Variants in ROBO1 observed in about 807,000 individuals in gnomAD.
ROBO1 encodes the protein roundabout homolog 1.
A neutral mutation model predicts 195.9 loss-of-function variants in ROBO1; 149 were observed. The ratio of observed to expected loss-of-function variants is 0.76; its 90% CI spans 0.67 to 0.87. The LOEUF (loss-of-function observed/expected upper bound fraction) is 0.87, where lower values mean the gene tolerates loss of function less well. Among genes scored for constraint, ROBO1 ranks in the 40% least tolerant of loss-of-function variants. ROBO1 has a pLI of 0.00. For missense variants in ROBO1, 1,933 were observed against 2,068.3 expected (o/e 0.93, Z 1.27); for synonymous variants, 816 against 733.2 (o/e 1.11, Z -1.82).
Position 79,283,802 on chromosome 3 carries a change from A to T in ROBO1, c.89-158263T>A, listed in dbSNP as rs1293501225. ...AAGCTCCGCCTCCCGGGTTCACGCC[A>T]TTCTCCTGCCTCAGCCTCCCGAGTA... On this transcript the variant is annotated intron_variant, in intron 2 of 30. Transcript: ENST00000464233. Among the ~76,000 whole-genome samples, 16 of 149,082 alleles carry T rather than the reference A, an allele frequency of 1.1e-4. No individual in the cohort carries two copies. The South Asian group carries it at 2.5e-3, about 24-fold the overall frequency.
At chr3:79,112,595 A>C (rs1436671743) in intron 3 of ROBO1, among the ~76,000 whole-genome samples, 1 of 152,200 alleles carries the variant, frequency 6.6e-6, no homozygotes, top group Non-Finnish European at 1.5e-5. Flanking sequence ...AAATGAGTTC[A>C]TGTCCTTTGT....
chr3:79,385,943 A>G (rs180890774), intron 2 of ROBO1, among the ~76,000 whole-genome samples: 1 of 152,282 alleles, frequency 6.6e-6, no homozygotes, highest in African/African-American at 2.4e-5. Flanking sequence ...TTTTCTCTTG[A>G]AAAACATTGA....
At chr3:78,696,513 T>G (rs1032966090) in intron 8 of ROBO1, among the ~76,000 whole-genome samples, 1 of 152,046 alleles carries the variant, frequency 6.6e-6, no homozygotes, top group Non-Finnish European at 1.5e-5. Context: ...ATTTTCCTGC[T>G]GGCTAATCAA....
At chr3:79,262,556 TAAAG>T (rs776970685) in intron 2 of ROBO1, among the ~76,000 whole-genome samples, 5 of 151,558 alleles carry the variant, frequency 3.3e-5, no homozygotes, top group Non-Finnish European at 5.9e-5. Flanking sequence ...AGGCAAGAAA[TAAAG>T]GAAGTATAAA....
chr3:78,666,285 A>G (rs1707731065), intron 14 of ROBO1, among the ~76,000 whole-genome samples: 1 of 152,214 alleles, frequency 6.6e-6, no homozygotes, highest in Non-Finnish European at 1.5e-5. Flanking sequence ...AGACTAATAC[A>G]TTGTTCCACT....
At chr3:79,672,198 A>G (rs1448745608) in intron 1 of ROBO1, among the ~76,000 whole-genome samples, 1 of 151,958 alleles carries the variant, frequency 6.6e-6, no homozygotes, top group African/African-American at 2.4e-5. Flanking sequence ...GCATGCAGAG[A>G]CAGTAGGCCA....
At chr3:79,459,539 A>C (rs1005248678) in intron 2 of ROBO1, among the ~76,000 whole-genome samples, 1 of 151,610 alleles carries the variant, frequency 6.6e-6, no homozygotes, top group Non-Finnish European at 1.5e-5. Context: ...TTTTTTCCCC[A>C]ATGACTTATT....
intron 5 of ROBO1, among the ~76,000 whole-genome samples, chr3:78,725,532 T>C (rs892708362): frequency 6.6e-6 from 1 of 152,122 alleles, no homozygotes; most frequent in African/African-American, 2.4e-5. Flanking sequence ...CCTGCCTTCA[T>C]CTCCTTTACT....
At chr3:78,647,197 G>A (rs148447759) in intron 20 of ROBO1, among the ~76,000 whole-genome samples, 164 of 152,142 alleles carry the variant, frequency 1.1e-3, no homozygotes, top group African/African-American at 3.6e-3. Flanking sequence ...TTTCACATGT[G>A]CTGGATATTG....
intron 3 of ROBO1, among the ~76,000 whole-genome samples, chr3:79,055,405 G>T (rs1056057755): frequency 6.6e-6 from 1 of 152,044 alleles, no homozygotes; most frequent in Non-Finnish European, 1.5e-5. Context: ...AAGTTTGAGG[G>T]CTGATGTTTC....
At chr3:79,615,325 C>T (rs545306315) in intron 1 of ROBO1, among the ~76,000 whole-genome samples, 22 of 152,274 alleles carry the variant, frequency 1.4e-4, no homozygotes, top group Admixed American at 9.8e-4. Flanking sequence ...CTACCTATGA[C>T]CTAGAAGCCT....
intron 1 of ROBO1, among the ~76,000 whole-genome samples, chr3:79,740,665 G>GC (rs1307466721): frequency 6.6e-6 from 1 of 152,024 alleles, no homozygotes; most frequent in Non-Finnish European, 1.5e-5. Flanking sequence ...GGCAGAAACC[G>GC]CCCCCATGAT....
intron 4 of ROBO1, among the ~76,000 whole-genome samples, chr3:78,894,974 T>G (rs891604455): frequency 6.6e-6 from 1 of 152,236 alleles, no homozygotes; most frequent in Non-Finnish European, 1.5e-5. Context: ...CTGGCCATTG[T>G]TCCATTCTTG....
At chr3:79,132,839 GT>G (rs1445703554) in intron 2 of ROBO1, among the ~76,000 whole-genome samples, 1 of 30,376 alleles carries the variant, frequency 3.3e-5, no homozygotes, top group Non-Finnish European at 5.4e-5. Context: ...TCCTTTCCAT[GT>G]TTAGTGCTTC....
chr3:79,597,465 C>T (rs1461646107), intron 1 of ROBO1, among the ~76,000 whole-genome samples: 2 of 151,940 alleles, frequency 1.3e-5, no homozygotes, highest in African/African-American at 2.4e-5. Context: ...ACATAAAGCA[C>T]AGTTTTAAAT....
chr3:78,859,755 T>A (rs1484194081), intron 4 of ROBO1, among the ~76,000 whole-genome samples: 1 of 151,882 alleles, frequency 6.6e-6, no homozygotes, highest in African/African-American at 2.4e-5. Context: ...AGAAGGGGCA[T>A]TGGGAAATAA....
In ROBO1 at chr3:79,301,604, C is replaced by A. The variant is rs552882820; in HGVS notation, c.89-176065G>T. 2.6e-5 allele frequency among the ~76,000 whole-genome samples: 4 copies of A among 152,252 alleles called. No homozygotes were observed. In the East Asian group the frequency reaches 7.7e-4, roughly 29 times the overall value. On this transcript the variant is annotated intron_variant, in intron 2 of 30. Coordinates refer to ENST00000464233, the MANE Select transcript of ROBO1 (RefSeq NM_002941.4). ...CTATGTTTCATTAGCTCACTTAAAA[C>A]AATTTTATGCATTCCAATAGATGGA...
At chr3:78,980,613 C>A (rs145932071) in intron 3 of ROBO1, among the ~76,000 whole-genome samples, 1 of 152,036 alleles carries the variant, frequency 6.6e-6, no homozygotes, top group South Asian at 2.1e-4. Flanking sequence ...ACACAAACAC[C>A]GTAACAATAA....
chr3:78,725,194 T>C (rs1230621490), intron 5 of ROBO1, among the ~76,000 whole-genome samples: 3 of 152,130 alleles, frequency 2.0e-5, no homozygotes, highest in African/African-American at 7.2e-5. Context: ...CGCTAGACAG[T>C]GCTTAAAGAG....
Sources: gnomAD v4.1 joint callset for allele counts (sites outside exome capture counted in the v4.1 genomes callset) on GRCh38, gnomAD v4.1.1 for gene constraint, MANE v1.5 for transcripts, NCBI Gene and HGNC (gene_info 2026-07-23, HGNC 2026-07-21) for gene names.